The following ADAMTSL1 variants were observed in gnomAD, a reference collection of about 807,000 sequenced individuals.
ADAMTSL1 encodes ADAMTS-like protein 1.
A neutral mutation model predicts 201.8 loss-of-function variants in ADAMTSL1; 126 were observed. That is an observed-to-expected ratio of 0.62 (90% CI 0.54 to 0.72). The LOEUF is 0.72. Ranked by LOEUF, ADAMTSL1 falls within the 30% of genes least tolerant of loss-of-function variation. The pLI is 0.00. For missense variants in ADAMTSL1, 2,679 were observed against 2,277.8 expected, an observed-to-expected ratio of 1.18 and a Z score of -3.59; for synonymous variants, 1,121 against 903.4, an observed-to-expected ratio of 1.24 and a Z score of -4.32.
At chr9:17,918,586 C>T (rs1218441063) in intron 1 of ADAMTSL1, among the ~76,000 whole-genome samples, 1 of 151,816 alleles carries the variant, frequency 6.6e-6, no homozygotes, top group East Asian at 1.9e-4. Context: ...TCTGTGTACA[C>T]TTGAAAAGAA....
intron 1 of ADAMTSL1, among the ~76,000 whole-genome samples, chr9:17,988,388 GC>G (rs916099590): frequency 5.3e-5 from 8 of 151,936 alleles, no homozygotes; most frequent in Non-Finnish European, 1.2e-4. Context: ...ACAATGAATA[GC>G]AACCAGTTAA....
rs1172500699 is a variant in ADAMTSL1 at position 18,601,927 on chromosome 9, G to A, written c.475-20316G>A. On this transcript the variant is annotated intron_variant, in intron 4 of 28. Transcript: ENST00000380548. ...AACTTTTAAAAATGACATTTTTATT[G>A]GTTAGAGATTCAGTCTGAGAAATAT... Among the ~76,000 whole-genome samples the A allele has an allele frequency of 2.0e-5, 3 of 151,944 alleles. No individual in the cohort carries two copies. In the East Asian group the frequency reaches 5.8e-4, roughly 29 times the overall value.
At chr9:18,016,227 G>A (rs1036540267) in intron 1 of ADAMTSL1, among the ~76,000 whole-genome samples, 7 of 151,958 alleles carry the variant, frequency 4.6e-5, no homozygotes, top group Admixed American at 4.6e-4. Flanking sequence ...ATTGAATTTA[G>A]GACTCAAGTA....
At chr9:18,177,230 A>G (rs1015430565) in intron 2 of ADAMTSL1, among the ~76,000 whole-genome samples, 1 of 152,158 alleles carries the variant, frequency 6.6e-6, no homozygotes, top group Non-Finnish European at 1.5e-5. Flanking sequence ...GAATGAATGC[A>G]TGTGTGGAGA....
chr9:18,234,758 G>A (rs1830774759), intron 2 of ADAMTSL1, among the ~76,000 whole-genome samples: 1 of 152,150 alleles, frequency 6.6e-6, no homozygotes, highest in Admixed American at 6.5e-5. Flanking sequence ...ATTATAAAAT[G>A]CCTCCTATGG....
chr9:18,640,557 A>C (rs1827375535), intron 7 of ADAMTSL1, among the ~76,000 whole-genome samples: 1 of 152,078 alleles, frequency 6.6e-6, no homozygotes, highest in Non-Finnish European at 1.5e-5. Context: ...ACATCTATCC[A>C]GTTGCCTTCT....
intron 2 of ADAMTSL1, among the ~76,000 whole-genome samples, chr9:18,194,645 C>A (rs1464130619): frequency 6.6e-6 from 1 of 152,070 alleles, no homozygotes; most frequent in Non-Finnish European, 1.5e-5. Flanking sequence ...TTTCAACAGT[C>A]CCAGCAGTGT....
intron 2 of ADAMTSL1, among the ~76,000 whole-genome samples, chr9:18,425,568 C>A (rs16936669): frequency 6.6e-6 from 1 of 152,074 alleles, no homozygotes; most frequent in African/African-American, 2.4e-5. Context: ...AAAGAAAATT[C>A]TCCAGGCACA....
chr9:18,149,989 G>C (rs1242886278), intron 1 of ADAMTSL1, among the ~76,000 whole-genome samples: 1 of 152,038 alleles, frequency 6.6e-6, no homozygotes, highest in African/African-American at 2.4e-5. Flanking sequence ...AGAGTTTGTA[G>C]AAGCAAGAAC....
At chr9:18,893,444 T>A (rs1829420173) in intron 26 of ADAMTSL1, among the ~76,000 whole-genome samples, 1 of 152,150 alleles carries the variant, frequency 6.6e-6, no homozygotes, top group Non-Finnish European at 1.5e-5. Flanking sequence ...CTCAAAAAAT[T>A]CACCCCCTCC....
chr9:18,906,067 G>A (rs530295172), intron 27 of ADAMTSL1, among the ~76,000 whole-genome samples, 176 bp downstream of exon 27: 9 of 152,310 alleles, frequency 5.9e-5, no homozygotes, highest in African/African-American at 2.2e-4. Context: ...CTCAGTGTCG[G>A]TCTTGTGCTT....
At chr9:18,458,264 A>G (rs1820681605) in intron 2 of ADAMTSL1, among the ~76,000 whole-genome samples, 2 of 152,180 alleles carry the variant, frequency 1.3e-5, no homozygotes, top group African/African-American at 2.4e-5. Flanking sequence ...TAGTGTGTAT[A>G]TACCTACACT....
intron 2 of ADAMTSL1, among the ~76,000 whole-genome samples, chr9:18,182,990 G>C (rs1828569166): frequency 6.6e-6 from 1 of 152,072 alleles, no homozygotes; most frequent in Admixed American, 6.6e-5. Context: ...GGTGTTACTG[G>C]GTTCAAAACT....
intron 20 of ADAMTSL1, among the ~76,000 whole-genome samples, chr9:18,803,553 G>A (rs577236925): frequency 7.9e-5 from 12 of 152,162 alleles, no homozygotes; most frequent in South Asian, 2.1e-4. Context: ...TCATTATTCC[G>A]CCCACCTGTC....
At chr9:18,811,482 A>G (rs369492465) in intron 20 of ADAMTSL1, among the ~76,000 whole-genome samples, 1 of 152,220 alleles carries the variant, frequency 6.6e-6, no homozygotes. Context: ...CAGAACTCCC[A>G]CTCCTGCCCA....
intron 2 of ADAMTSL1, among the ~76,000 whole-genome samples, chr9:18,322,631 G>A (rs1834670800): frequency 6.6e-6 from 1 of 152,044 alleles, no homozygotes; most frequent in Non-Finnish European, 1.5e-5. Flanking sequence ...GCAAAACCCT[G>A]TCTCAACAAC....
At chr9:18,410,048 A>T (rs1818369315) in intron 2 of ADAMTSL1, among the ~76,000 whole-genome samples, 1 of 151,940 alleles carries the variant, frequency 6.6e-6, no homozygotes. Context: ...CTTGGCGTTT[A>T]ATGTACACTT....
At chr9:18,480,407 C>A (rs528955914) in intron 1 of ADAMTSL1, among the ~76,000 whole-genome samples, 1 of 152,248 alleles carries the variant, frequency 6.6e-6, no homozygotes, top group Admixed American at 6.5e-5. Flanking sequence ...GCAGAGAATC[C>A]ACTAGAAAAA....
At chr9:17,926,899 A>G (rs72695923) in intron 1 of ADAMTSL1, among the ~76,000 whole-genome samples, 6 of 152,298 alleles carry the variant, frequency 3.9e-5, no homozygotes, top group African/African-American at 1.2e-4. Context: ...AACTTATGGT[A>G]GAATATATAT....
Sources: allele counts gnomAD v4.1 joint callset (sites outside exome capture counted in the v4.1 genomes callset), GRCh38; gene constraint gnomAD v4.1.1; transcripts MANE v1.5; gene names NCBI Gene and HGNC (gene_info 2026-07-23, HGNC 2026-07-21).